WWP2: variants seen among roughly 807,000 people sequenced by gnomAD.
WWP2 encodes WW domain containing E3 ubiquitin protein ligase 2, also known as NEDD4-like E3 ubiquitin-protein ligase WWP2.
In WWP2, 57 loss-of-function variants were observed where a neutral mutation model predicts 121.0. The ratio of observed to expected loss-of-function variants is 0.47; its 90% confidence interval spans 0.38 to 0.59. WWP2 has a LOEUF of 0.59. Among genes scored for constraint, WWP2 ranks in the 20% least tolerant of loss-of-function variants. The pLI is 0.00. For missense variants in WWP2, 962 were observed against 1,158.9 expected, an observed-to-expected ratio of 0.83 and a Z score of 2.47; for synonymous variants, 449 against 441.3, an observed-to-expected ratio of 1.02 and a Z score of -0.22.
At chr16:69,889,159 A>G (rs1185263787) in intron 8 of WWP2, among the ~76,000 whole-genome samples, 1 of 151,942 alleles carries the variant, frequency 6.6e-6, no homozygotes, top group African/African-American at 2.4e-5. Flanking sequence ...ACACACACAC[A>G]CACACACACA....
At chr16:69,772,313 C>T (rs2055435009) in intron 1 of WWP2, among the ~76,000 whole-genome samples, 2 of 151,948 alleles carry the variant, frequency 1.3e-5, no homozygotes, top group Non-Finnish European at 2.9e-5. Context: ...CTAATCATTC[C>T]CAAGATAGGC....
Position 69,935,577 on chromosome 16 carries a change from G to C in WWP2, c.1843-276G>C, listed in dbSNP as rs1567445360. Among the ~76,000 whole-genome samples, 1 of 152,258 alleles carries C rather than the reference G, an allele frequency of 6.6e-6. No individual in the cohort carries two copies. The highest frequency in any genetic ancestry group is 1.5e-5 in the Non-Finnish European group (1 of 68,040). Reference sequence around the variant, plus strand: ...AGCCAGCCGGCCAGCGTGCGGGGCAGATGCGGGCCCGGACGTGGGTTCCCG... The same window carrying C: ...AGCCAGCCGGCCAGCGTGCGGGGCACATGCGGGCCCGGACGTGGGTTCCCG... On this transcript the variant is annotated intron_variant, in intron 17 of 23. Coordinates refer to ENST00000359154, the MANE Select transcript of WWP2 (RefSeq NM_001270454.2). This position sits in a 1 kb window ranked among gnomAD's most constrained non-coding sequence, Gnocchi z 5.2.
chr16:69,762,687 T>G (rs550705026), intron 1 of WWP2, among the ~76,000 whole-genome samples: 84 of 152,016 alleles, frequency 5.5e-4, no homozygotes, highest in Admixed American at 2.6e-3. Context: ...GGAGCTTAGG[T>G]TCCCAGGCAT....
At chr16:69,904,525 C>T (rs1428066714) in intron 8 of WWP2, among the ~76,000 whole-genome samples, 1 of 151,954 alleles carries the variant, frequency 6.6e-6, no homozygotes, top group African/African-American at 2.4e-5. Context: ...TGTGCCAGCA[C>T]ATCTGACTAT....
chr16:69,778,011 A>G lies in WWP2; in HGVS notation c.-15-8985A>G, dbSNP rs945596516. On this transcript the variant is annotated intron_variant, in intron 1 of 23. Transcript: ENST00000359154. Reference sequence around the variant, plus strand: ...CTTGAGCCCAGGAGGTTGAGGCTGCAGTGAGCCATGATTGTGCCACTGCAC... The same window carrying G: ...CTTGAGCCCAGGAGGTTGAGGCTGCGGTGAGCCATGATTGTGCCACTGCAC... Among the ~76,000 whole-genome samples the G allele has an allele frequency of 2.0e-5, 3 of 150,412 alleles. No individual in the cohort carries two copies. In the Admixed American group the frequency reaches 2.0e-4, roughly 10 times the overall value.
intron 8 of WWP2, among the ~76,000 whole-genome samples, chr16:69,893,561 G>T (rs1295666776): frequency 7.1e-6 from 1 of 141,752 alleles, no homozygotes; most frequent in Non-Finnish European, 1.5e-5. Flanking sequence ...TGTTTTTTTT[G>T]TTTGTTTGTT....
chr16:69,848,133 TA>T (rs1471529375), intron 6 of WWP2, among the ~76,000 whole-genome samples: 5 of 152,192 alleles, frequency 3.3e-5, no homozygotes, highest in Non-Finnish European at 7.4e-5. Flanking sequence ...GGGATTAACA[TA>T]AGGGATCTTA....
rs770215655 is a variant in WWP2, at chr16:69,933,934, C to CCATT, written c.1683-35_1683-32dup. On this transcript the variant is annotated intron_variant, in intron 16 of 23. Coordinates refer to ENST00000359154, the MANE Select transcript of WWP2 (RefSeq NM_001270454.2). ...CCTGTGCAGATGTGCACGAAGGGAC[C>CCATT]CATTATTCTTGTCTTTTCTGTCTCT... is the stretch of plus-strand genomic sequence containing the variant. 2.2e-5 allele frequency: 36 copies of CCATT among 1,605,696 alleles called. 1 individual carries two copies. The Admixed American group carries it at 5.7e-4, about 25-fold the overall frequency.
chr16:69,795,531 G>A (rs2056015043), intron 2 of WWP2, among the ~76,000 whole-genome samples: 1 of 151,774 alleles, frequency 6.6e-6, no homozygotes, highest in African/African-American at 2.4e-5. Context: ...GGGTAGTGAT[G>A]CTATAGACAC....
rs1361720315 is a variant in WWP2 at position 69,820,569 on chromosome 16, AT to A, written c.341-19556del. On this transcript the variant is annotated intron_variant, in intron 4 of 23. Transcript: ENST00000359154. ...CCCTGTCTCTTAAAAAAAAAAAAAA[AT>A]AGGACCACACGTATTGTATATTGTG... Among the ~76,000 whole-genome samples the A allele has an allele frequency of 2.3e-5, 3 of 131,272 alleles. 1 individual carries two copies. Among genetic ancestry groups the A allele is most frequent in the South Asian group, 5.9e-4 (2 of 3,388 alleles). 86.1% of individuals were successfully genotyped at this position (131,272 alleles called of 152,430 possible). A position where few individuals can be genotyped will look rare whatever the true frequency, so the allele number is the denominator to read the frequency against.
chr16:69,861,579 A>G (rs944561494), intron 6 of WWP2, among the ~76,000 whole-genome samples: 2 of 151,686 alleles, frequency 1.3e-5, no homozygotes, highest in Non-Finnish European at 1.5e-5. Context: ...TGCAGTGACC[A>G]GAAGGGGCCC....
chr16:69,882,795 G>T (rs1285168421), intron 7 of WWP2, among the ~76,000 whole-genome samples: 2 of 152,146 alleles, frequency 1.3e-5, no homozygotes, highest in Admixed American at 1.3e-4. Context: ...GGGAGATATG[G>T]GTGTACATCA....
rs979564303 is a variant in WWP2, at chr16:69,925,129, T to C, written c.1180-301T>C. ...TTCCTACCATGCCAGGGCTGCTCCC[T>C]GCCTCCGCCACCCTGGCACACCTTC... On this transcript the variant is annotated intron_variant, in intron 10 of 23. Transcript: ENST00000359154. The surrounding 1 kb of genome is among the most constrained non-coding windows in gnomAD (Gnocchi z 4.0). The C allele has an allele frequency of 2.6e-6, 3 of 1,148,070 alleles. No individual in the cohort carries two copies. The highest frequency in any genetic ancestry group is 3.2e-6 in the Non-Finnish European group (3 of 931,850). The allele number at this position is 1,148,070 out of a possible 1,614,324, so 71.1% of individuals were successfully genotyped here.
chr16:69,916,374 A>G (rs929572558), intron 9 of WWP2, among the ~76,000 whole-genome samples: 5 of 152,150 alleles, frequency 3.3e-5, no homozygotes, highest in Admixed American at 2.6e-4. Context: ...TTTTTAAAAA[A>G]TATTTTTGTA....
chr16:69,820,730 T>C (rs2056576949), intron 4 of WWP2, among the ~76,000 whole-genome samples: 1 of 139,778 alleles, frequency 7.2e-6, no homozygotes, highest in African/African-American at 2.5e-5. Flanking sequence ...TTCATTGTCC[T>C]CCACAAATAG....
intron 2 of WWP2, among the ~76,000 whole-genome samples, chr16:69,789,701 C>A (rs1597668531): frequency 6.6e-6 from 1 of 152,164 alleles, no homozygotes; most frequent in Non-Finnish European, 1.5e-5. Context: ...TGCGAGAGTG[C>A]CTGTTTCCCT....
intron 6 of WWP2, among the ~76,000 whole-genome samples, chr16:69,844,117 A>G (rs140172022): frequency 0.01 from 1,532 of 151,946 alleles, 13 homozygotes; most frequent in Non-Finnish European, 0.014. Flanking sequence ...CCATTTCCCC[A>G]TTCTCTTTTC....
intron 4 of WWP2, among the ~76,000 whole-genome samples, chr16:69,835,482 C>T (rs1323372072): frequency 6.6e-6 from 1 of 152,098 alleles, no homozygotes; most frequent in Non-Finnish European, 1.5e-5. Flanking sequence ...AACCTTTCCC[C>T]AATGTTTAAT....
chr16:69,850,736 T>A (rs529482022), intron 6 of WWP2, among the ~76,000 whole-genome samples: 1 of 152,288 alleles, frequency 6.6e-6, no homozygotes, highest in South Asian at 2.1e-4. Flanking sequence ...ATGTAAGATA[T>A]TAGGGATGAT....
Sources: allele counts gnomAD v4.1 joint callset (sites outside exome capture counted in the v4.1 genomes callset), GRCh38; gene constraint gnomAD v4.1.1; non-coding constraint Gnocchi (gnomAD v3.1); transcripts MANE v1.5; gene names NCBI Gene and HGNC (gene_info 2026-07-23, HGNC 2026-07-21).